ASAH1: variants seen among roughly 807,000 people sequenced by gnomAD.
ASAH1 encodes the protein N-acylsphingosine amidohydrolase 1, also known as acid ceramidase.
Under a neutral mutation model 59.5 loss-of-function variants are expected in ASAH1, and 70 were observed. The ratio of observed to expected loss-of-function variants is 1.18; its 90% CI spans 0.97 to 1.43. The LOEUF is 1.43. Among genes scored for constraint, ASAH1 ranks in the 40% most tolerant of loss-of-function variants. The pLI is 0.00. For synonymous variants in ASAH1, 213 were observed against 166.5 expected (o/e 1.28, Z -2.15); for missense variants, 660 against 482.5 (o/e 1.37, Z -3.45).
intron 2 of ASAH1, among the ~76,000 whole-genome samples, chr8:18,074,941 A>C (rs1161131253): frequency 1.3e-5 from 2 of 152,154 alleles, no homozygotes; most frequent in Non-Finnish European, 2.9e-5. Context: ...TACATTTGTC[A>C]AAGATGAGAA....
chr8:18,071,508 A>G, intron 2 of ASAH1, 118 bp from the exon 3 acceptor site: 1 of 684,450 alleles, frequency 1.5e-6, no homozygotes. Flanking sequence ...GAATTTGGTT[A>G]CCCAAACCAA....
At chr8:18,062,691 A>G (rs1564538739) in intron 7 of ASAH1, 3 of 468,642 alleles carry the variant, frequency 6.4e-6, no homozygotes, top group Middle Eastern at 6.1e-4. Flanking sequence ...CAATATTCTT[A>G]TTTTTTCAGA....
rs1466787427 is a variant in ASAH1 at position 18,079,281 on chromosome 8, A to AG, written c.79-3695_79-3694insC. Among the ~76,000 whole-genome samples the AG allele has an allele frequency of 2.6e-4, 40 of 151,414 alleles. 1 individual carries two copies. The highest frequency in any genetic ancestry group is 4.9e-4 in the Non-Finnish European group (33 of 67,856). The stretch of plus-strand genomic sequence containing the variant: ...GAGCAAGACTCCATCTCAGAAAAAA[A>AG]AAAAAAACAAAAAACTCTCTGGAAA... On this transcript the variant is annotated intron_variant, in intron 1 of 13. Coordinates refer to ENST00000637790, the MANE Select transcript of ASAH1 (RefSeq NM_177924.5).
chr8:18,059,401 G>C lies in ASAH1; in HGVS notation c.981C>G (p.Pro327=). The C allele has an allele frequency of 6.2e-7, 1 of 1,614,200 alleles. No individual in the cohort carries two copies. Among genetic ancestry groups the C allele is most frequent in the Non-Finnish European group, 8.5e-7 (1 of 1,180,042 alleles). ...GCGTTCTGCGATCATCAAGGAAGAAGGGATGTTTCCAACGGTCATAATTTG... is the reference window on the plus strand; with the variant it reads ...GCGTTCTGCGATCATCAAGGAAGAACGGATGTTTCCAACGGTCATAATTTG... The part of the protein sequence containing the change: ...VQTNYDRWKH[P]FFLDDRRTPA... The change falls in exon 12 of 14, where the codon CCC becomes CCG. Residue 327 remains proline, a synonymous_variant. Transcript: ENST00000637790.
chr8:18,059,058 T>C (rs1799581211), intron 12 of ASAH1, 167 bp from the exon 13 acceptor site: 1 of 699,468 alleles, frequency 1.4e-6, no homozygotes, highest in Non-Finnish European at 2.4e-6. Flanking sequence ...GGTAACAGTT[T>C]TAATGGATTA....
chr8:18,075,020 G>C (rs180995371), intron 2 of ASAH1, among the ~76,000 whole-genome samples: 1 of 132,506 alleles, frequency 7.5e-6, no homozygotes, highest in Non-Finnish European at 1.6e-5. Flanking sequence ...TTTTGAGACA[G>C]AGTCTCACTC....
At position 18,074,138 on chromosome 8, in the gene ASAH1, G is replaced by A. The variant is rs978259487; in HGVS notation, c.125+1403C>T. Among the ~76,000 whole-genome samples, 3 of 152,172 alleles carry A rather than the reference G, an allele frequency of 2.0e-5. No homozygotes were observed. The East Asian group carries it at 5.8e-4, about 29-fold the overall frequency. ...AGTAGAAACGGCCTCAAACATGGAAGGCACCTCATTAAATGTTCAATGAAT... is the reference window on the plus strand; with the variant it reads ...AGTAGAAACGGCCTCAAACATGGAAAGCACCTCATTAAATGTTCAATGAAT... On this transcript the variant is annotated intron_variant, in intron 2 of 13. Coordinates refer to ENST00000637790, the MANE Select transcript of ASAH1 (RefSeq NM_177924.5).
chr8:18,080,670 G>A (rs1421981796), intron 1 of ASAH1, among the ~76,000 whole-genome samples: 1 of 152,074 alleles, frequency 6.6e-6, no homozygotes, highest in African/African-American at 2.4e-5. Context: ...CAATTCTCCC[G>A]CCTCAGCCTC....
At chr8:18,078,823 C>A (rs958273620) in intron 1 of ASAH1, among the ~76,000 whole-genome samples, 1 of 152,112 alleles carries the variant, frequency 6.6e-6, no homozygotes, top group South Asian at 2.1e-4. Context: ...CACCCTATCA[C>A]AGGAAACAAA....
At chr8:18,083,810 G>A (rs1272730498) in intron 1 of ASAH1, 171 bp downstream of exon 1, 3 of 1,375,120 alleles carry the variant, frequency 2.2e-6, no homozygotes, top group East Asian at 2.5e-5. Context: ...CGAGGACGGG[G>A]TTCGCCAGCC....
At chr8:18,061,519 A>AC (rs945125024) in intron 9 of ASAH1, 61 bp from the exon 10 acceptor site, 1 of 1,494,870 alleles carries the variant, frequency 6.7e-7, no homozygotes, top group African/African-American at 1.4e-5. Flanking sequence ...ACCAGTCAGG[A>AC]CCCGGAAGAG....
At chr8:18,073,830 A>G (rs1014789928) in intron 2 of ASAH1, among the ~76,000 whole-genome samples, 1 of 152,242 alleles carries the variant, frequency 6.6e-6, no homozygotes. Context: ...GAAGGATAAG[A>G]GCAAAGCCGA....
In ASAH1 at chr8:18,057,480, T is replaced by A; in HGVS notation, c.*54A>T. 7.2e-7 allele frequency: 1 copy of A among 1,397,136 alleles called. No homozygotes were observed. The highest frequency in any genetic ancestry group is 1.0e-6 in the Non-Finnish European group (1 of 997,154). The allele number at this position is 1,397,136 out of a possible 1,614,324, so 86.5% of individuals were successfully genotyped here. A position where few individuals can be genotyped will look rare whatever the true frequency, so the allele number is the denominator to read the frequency against. On this transcript the variant is annotated 3_prime_UTR_variant, in exon 14 of 14. Transcript: ENST00000637790. ...CAGACAGCTGCAGTGTTCGGTCACA[T>A]GGAGATGGTGTCTTCATGTCTCAGA...
At position 18,061,378 on chromosome 8, in the gene ASAH1, T is replaced by A. The variant is rs781103974; in HGVS notation, c.784A>T (p.Ser262Cys). 2.5e-6 allele frequency: 4 copies of A among 1,608,888 alleles called. No homozygotes were observed. Among genetic ancestry groups the A allele is most frequent in the Admixed American group, 1.7e-5 (1 of 59,988 alleles). Residue 262 changes from serine (S) to cysteine (C), a missense_variant and splice_region_variant, in exon 10 of 14, where the codon AGT (serine) becomes TGT (cysteine). Coordinates refer to ENST00000637790, the MANE Select transcript of ASAH1 (RefSeq NM_177924.5). ...LTRTVLENST[S>C]YEEAKNLLTK... is the part of the protein sequence containing the mutation. ...TAGTAAAGCAACGAAACACTTTACC[T>A]TGTGCTATTTTCCAGAACTGTTCTA...
chr8:18,059,447 C>T lies in ASAH1; in HGVS notation c.935G>A (p.Gly312Asp), dbSNP rs1799601964. The T allele has an allele frequency of 1.2e-6, 2 of 1,614,188 alleles. No homozygotes were observed. The highest frequency in any genetic ancestry group is 1.7e-6 in the Non-Finnish European group (2 of 1,180,038). Residue 312 changes from glycine (G) to aspartate (D), a missense_variant, in exon 12 of 14, where the codon GGT (glycine) becomes GAT (aspartate). Gly to Asp is a moderately conservative substitution (Grantham distance 94). Transcript: ENST00000637790. ...LDVYELDAKQ[G>D]RWYVVQTNYD... ...ATTTGTTTGTACCACATACCATCTA[C>T]CCTGCTTAGCATCGAGTCTAGATAC...
chr8:18,080,226 G>C (rs1202892489), intron 1 of ASAH1, among the ~76,000 whole-genome samples: 1 of 152,216 alleles, frequency 6.6e-6, no homozygotes, highest in Admixed American at 6.5e-5. Context: ...GACATACGCT[G>C]TTAACTAGTA....
At chr8:18,074,885 T>C (rs1355285659) in intron 2 of ASAH1, among the ~76,000 whole-genome samples, 4 of 152,288 alleles carry the variant, frequency 2.6e-5, no homozygotes, top group East Asian at 3.9e-4. Context: ...TGGTGGTTTA[T>C]ATCCAGGCAC....
chr8:18,063,339 T>C, intron 6 of ASAH1, 109 bp from the exon 7 acceptor site: 1 of 1,083,680 alleles, frequency 9.2e-7, no homozygotes, highest in Non-Finnish European at 1.4e-6. Flanking sequence ...AGTCTCGTTC[T>C]GTTGGCCAGA....
In ASAH1 at chr8:18,058,659, C is replaced by G. The variant is rs142020087; in HGVS notation, c.1098+176G>C. 308 of 626,056 alleles carry G rather than the reference C, an allele frequency of 4.9e-4. 1 individual carries two copies. The highest frequency in any genetic ancestry group is 4.9e-3 in the African/African-American group (267 of 54,410). The allele number at this position is 626,056 out of a possible 1,614,324, so 38.8% of individuals were successfully genotyped here. On this transcript the variant is annotated intron_variant, in intron 13 of 13. Coordinates refer to ENST00000637790, the MANE Select transcript of ASAH1 (RefSeq NM_177924.5). The stretch of plus-strand genomic sequence containing the variant: ...CCTATCAAGCCTCAGTGATCAATTT[C>G]TTTCTTGTATTCCAAAATACAGTTT...
Sources: gnomAD v4.1 joint callset for allele counts (sites outside exome capture counted in the v4.1 genomes callset) on GRCh38, gnomAD v4.1.1 for gene constraint, MANE v1.5 for transcripts, NCBI Gene and HGNC (gene_info 2026-07-23, HGNC 2026-07-21) for gene names.